Variants in SASH1 observed in about 807,000 individuals in gnomAD.
SASH1 encodes SAM and SH3 domain containing 1.
A neutral mutation model predicts 125.2 loss-of-function variants in SASH1; 44 were observed. That is an observed-to-expected ratio of 0.35 (90% confidence interval 0.28 to 0.45). The LOEUF (loss-of-function observed/expected upper bound fraction) is 0.45, where lower values mean the gene tolerates loss of function less well. SASH1 is among the 20% of genes least tolerant of loss of function. The pLI is 1.00. For synonymous variants in SASH1, 639 were observed against 649.1 expected, an observed-to-expected ratio of 0.98 and a Z score of 0.24; for missense variants, 1,426 against 1,614.5, an observed-to-expected ratio of 0.88 and a Z score of 2.00.
chr6:148,531,689 T>TTTTC (rs767421771), intron 13 of SASH1, 28 bp downstream of exon 13: 58 of 1,473,118 alleles, frequency 3.9e-5, no homozygotes, highest in African/African-American at 8.6e-5. Context: ...TTGTAGATTA[T>TTTTC]TTTCTTTGGA....
intron 2 of SASH1, among the ~76,000 whole-genome samples, chr6:148,418,072 C>T (rs1478392698): frequency 1.3e-5 from 2 of 152,068 alleles, no homozygotes; most frequent in African/African-American, 4.8e-5. Flanking sequence ...CTAGTGGGCA[C>T]TTGGTGAATA....
chr6:148,424,195 A>T (rs571404367), intron 2 of SASH1, among the ~76,000 whole-genome samples: 23 of 148,328 alleles, frequency 1.6e-4, no homozygotes, highest in East Asian at 3.9e-4. Context: ...CTTTTAAAAA[A>T]TTTTTTTTCT....
intron 16 of SASH1, among the ~76,000 whole-genome samples, 183 bp downstream of exon 16, chr6:148,535,084 G>A (rs866623273): frequency 6.6e-6 from 1 of 152,112 alleles, no homozygotes; most frequent in Non-Finnish European, 1.5e-5. Context: ...GCCACAGCAG[G>A]CCCCACCTAC....
chr6:148,488,224 G>T (rs973267016), intron 8 of SASH1, among the ~76,000 whole-genome samples: 7 of 152,200 alleles, frequency 4.6e-5, no homozygotes, highest in African/African-American at 1.7e-4. Flanking sequence ...AATAGCTCAT[G>T]TAAGTGGAAT....
At chr6:148,464,589 T>C (rs1777753371) in intron 4 of SASH1, among the ~76,000 whole-genome samples, 1 of 152,152 alleles carries the variant, frequency 6.6e-6, no homozygotes, top group South Asian at 2.1e-4. Flanking sequence ...AATGACCCCT[T>C]CCACCTGCTG....
chr6:148,483,564 C>G (rs925701478), intron 7 of SASH1, among the ~76,000 whole-genome samples: 4 of 152,146 alleles, frequency 2.6e-5, no homozygotes, highest in African/African-American at 7.2e-5. Context: ...AGGAGTCTAG[C>G]CTCACTCAGC....
chr6:148,525,228 T>C (rs1781072081), intron 10 of SASH1, 63 bp from the exon 11 acceptor site: 2 of 1,166,202 alleles, frequency 1.7e-6, no homozygotes, highest in Admixed American at 3.4e-5. Context: ...ACTGCTGGGT[T>C]GGTGCACTGC....
chr6:148,527,490 A>G lies in SASH1; in HGVS notation c.1322A>G (p.Lys441Arg), dbSNP rs755320447. Residue 441 changes from lysine to arginine, a missense_variant, in exon 12 of 20, where the codon AAA becomes AGA. Physicochemically the swap from Lys to Arg is conservative, Grantham distance 26. Around this residue, in one of 3 missense-constraint regions of SASH1, gnomAD observed 567 missense variants for 575.6 expected, o/e 0.99. Coordinates refer to ENST00000367467, the MANE Select transcript of SASH1 (RefSeq NM_015278.5). ...EGDFVYKEVI[K>R]SPTASRISLG... is the part of the protein sequence containing the mutation. ...GACTTTGTGTACAAAGAAGTCATCA[A>G]ATCACCTACTGCCTCTCGCATCTCT... 9.9e-6 allele frequency: 16 copies of G among 1,609,208 alleles called. No individual in the cohort carries two copies. Among genetic ancestry groups the G allele is most frequent in the South Asian group, 4.5e-5 (4 of 89,578 alleles).
intron 4 of SASH1, among the ~76,000 whole-genome samples, chr6:148,450,182 A>C (rs972989976): frequency 6.6e-6 from 1 of 152,180 alleles, no homozygotes; most frequent in African/African-American, 2.4e-5. Flanking sequence ...AGCATTCAAG[A>C]AATTGCTTTT....
chr6:148,276,743 A>AT (rs1280472859), intron 1 of SASH1, among the ~76,000 whole-genome samples: 5 of 152,042 alleles, frequency 3.3e-5, no homozygotes, highest in Admixed American at 1.3e-4. Context: ...ACCCCTGTGC[A>AT]TTTTTTTACC....
At chr6:148,418,971 C>A (rs1784934919) in intron 2 of SASH1, among the ~76,000 whole-genome samples, 1 of 152,214 alleles carries the variant, frequency 6.6e-6, no homozygotes, top group South Asian at 2.1e-4. Flanking sequence ...TTACTCCCCT[C>A]CCATCTCCTG....
At chr6:148,349,155 T>A (rs1225219102) in intron 1 of SASH1, among the ~76,000 whole-genome samples, 1 of 151,750 alleles carries the variant, frequency 6.6e-6, no homozygotes, top group Non-Finnish European at 1.5e-5. Flanking sequence ...CTGGATAAGG[T>A]TTGTGGGCAC....
Position 148,342,958 on chromosome 6 carries a change from G to A in SASH1, c.-110G>A. On this transcript the variant is annotated 5_prime_UTR_variant, in exon 1 of 20. Coordinates refer to ENST00000367467, the MANE Select transcript of SASH1 (RefSeq NM_015278.5). ...GCCGGGGCATGCAGCGCGGGGGCGC[G>A]GCTCGGTGACGCCGCGGGCGGGGAC... The A allele has an allele frequency of 5.3e-6, 5 of 948,744 alleles. No individual in the cohort carries two copies. In the South Asian group the frequency reaches 2.4e-4, roughly 45 times the overall value. The allele number at this position is 948,744 out of a possible 1,614,324, so 58.8% of individuals were successfully genotyped here.
chr6:148,272,402 T>C (rs1395413022), intron 1 of SASH1: 2 of 470,042 alleles, frequency 4.3e-6, no homozygotes, highest in Non-Finnish European at 4.4e-6. Context: ...TGTTTTCAAA[T>C]TTTAAGACTG....
rs1780652506 is a variant in SASH1 at position 148,519,292 on chromosome 6, T to G, written c.863-255T>G. On this transcript the variant is annotated intron_variant, in intron 9 of 19. Transcript: ENST00000367467. The surrounding 1 kb of genome is among the most constrained non-coding windows in gnomAD (Gnocchi z 4.8). ...CTAGCTTAGATTTTGCAAACGGCATTTTAAATACGCCTGTGAAGGTGTTAG... is the reference window on the plus strand; with the variant it reads ...CTAGCTTAGATTTTGCAAACGGCATGTTAAATACGCCTGTGAAGGTGTTAG... 6.6e-6 allele frequency among the ~76,000 whole-genome samples: 1 copy of G among 152,204 alleles called. No homozygotes were observed. The highest frequency in any genetic ancestry group is 6.5e-5 in the Admixed American group (1 of 15,286).
intron 17 of SASH1, among the ~76,000 whole-genome samples, chr6:148,542,504 A>G (rs1229475247): frequency 6.6e-6 from 1 of 152,168 alleles, no homozygotes; most frequent in African/African-American, 2.4e-5. Flanking sequence ...CTCCCGCCTC[A>G]GCCTCCCGAG....
chr6:148,484,896 T>C (rs1486336901), intron 7 of SASH1, among the ~76,000 whole-genome samples: 1 of 152,164 alleles, frequency 6.6e-6, no homozygotes, highest in Non-Finnish European at 1.5e-5. Flanking sequence ...TGAGCCGTGA[T>C]TGCACTACTG....
At chr6:148,527,704 T>C (rs1031252947) in intron 12 of SASH1, 108 bp downstream of exon 12, 4 of 1,070,140 alleles carry the variant, frequency 3.7e-6, no homozygotes, top group Non-Finnish European at 5.5e-6. Flanking sequence ...CTCCTTGGCA[T>C]TAACCTGCTC....
intron 1 of SASH1, among the ~76,000 whole-genome samples, chr6:148,383,892 G>A (rs1783256304): frequency 1.3e-5 from 2 of 152,138 alleles, no homozygotes; most frequent in East Asian, 1.9e-4. Context: ...GAACTGCTCG[G>A]TACAATGCCC....
Sources: allele counts gnomAD v4.1 joint callset (sites outside exome capture counted in the v4.1 genomes callset), GRCh38; gene constraint gnomAD v4.1.1; regional missense constraint gnomAD v4.1.1; non-coding constraint Gnocchi (gnomAD v3.1); transcripts MANE v1.5; gene names NCBI Gene and HGNC (gene_info 2026-07-23, HGNC 2026-07-21).